The following SMYD1 variants were observed in gnomAD, a reference collection of about 807,000 sequenced individuals.
SMYD1 encodes SET and MYND domain containing 1, also known as histone-lysine N-methyltransferase SMYD1.
SMYD1 carries 49 observed loss-of-function variants against 54.0 expected under a neutral mutation model. The ratio of observed to expected loss-of-function variants is 0.91; its 90% CI spans 0.72 to 1.15. The LOEUF (loss-of-function observed/expected upper bound fraction) is 1.15. Among genes scored for constraint, SMYD1 ranks in the 50% most tolerant of loss-of-function variants. The pLI, the probability that SMYD1 is intolerant of heterozygous loss-of-function variation, is 0.00. For synonymous variants in SMYD1, 269 were observed against 234.2 expected (o/e 1.15, Z -1.36); for missense variants, 653 against 639.6 (o/e 1.02, Z -0.23).
chr2:88,075,638 A>T (rs1361150759), intron 1 of SMYD1, among the ~76,000 whole-genome samples: 1 of 149,822 alleles, frequency 6.7e-6, no homozygotes. Context: ...GCTGGGCCCA[A>T]GCCATCCTCC....
intron 6 of SMYD1, among the ~76,000 whole-genome samples, chr2:88,098,942 C>T (rs1382860796): frequency 6.6e-6 from 1 of 152,120 alleles, no homozygotes; most frequent in Non-Finnish European, 1.5e-5. Flanking sequence ...CGTATGTAAA[C>T]CTATGTAGAA....
At position 88,112,212 on chromosome 2, in the gene SMYD1, C is replaced by T; in HGVS notation, c.*1700C>T. The T allele has an allele frequency of 1.4e-6, 1 of 696,482 alleles. No homozygotes were observed. The highest frequency in any genetic ancestry group is 2.6e-6 in the Non-Finnish European group (1 of 379,838). 43.1% of individuals were successfully genotyped at this position (696,482 alleles called of 1,614,324 possible). ...CTAGTTCAAATTATCACTCTTTTAC[C>T]TTCATATAAAATGTCTCCCCCAAAC... On this transcript the variant is annotated 3_prime_UTR_variant, in exon 10 of 10. Coordinates refer to ENST00000419482, the MANE Select transcript of SMYD1 (RefSeq NM_198274.4).
At chr2:88,107,976 G>T (rs1182066324) in intron 8 of SMYD1, among the ~76,000 whole-genome samples, 1 of 152,222 alleles carries the variant, frequency 6.6e-6, no homozygotes, top group Non-Finnish European at 1.5e-5. Flanking sequence ...ACAATCCCCA[G>T]TGAGATTAAC....
chr2:88,090,958 A>G, intron 3 of SMYD1, 54 bp from the exon 4 acceptor site: 5 of 1,568,314 alleles, frequency 3.2e-6, no homozygotes, highest in Non-Finnish European at 4.3e-6. Flanking sequence ...AACAGCTAGG[A>G]TGTTGTTCTG....
At chr2:88,089,760 CTT>C (rs908674458) in intron 3 of SMYD1, among the ~76,000 whole-genome samples, 3 of 142,920 alleles carry the variant, frequency 2.1e-5, no homozygotes, top group Admixed American at 7.0e-5. Context: ...TTAATTTTTG[CTT>C]TTTTTTTTTT....
intron 1 of SMYD1, among the ~76,000 whole-genome samples, chr2:88,079,815 C>T (rs1352624074): frequency 6.6e-6 from 1 of 152,136 alleles, no homozygotes; most frequent in African/African-American, 2.4e-5. Context: ...AGTGTGACTC[C>T]ATCTCAAAAG....
chr2:88,072,573 G>A (rs1470044316), intron 1 of SMYD1, among the ~76,000 whole-genome samples: 2 of 152,174 alleles, frequency 1.3e-5, no homozygotes, highest in Non-Finnish European at 2.9e-5. Flanking sequence ...TACATAATAT[G>A]CTATATTTAT....
intron 1 of SMYD1, among the ~76,000 whole-genome samples, chr2:88,077,059 C>T: frequency 6.6e-6 from 1 of 151,570 alleles, no homozygotes; most frequent in East Asian, 1.9e-4. Context: ...GAGGAGAGAC[C>T]TTCTGGCAGG....
intron 5 of SMYD1, among the ~76,000 whole-genome samples, chr2:88,093,867 C>T (rs1674517313): frequency 6.6e-6 from 1 of 152,136 alleles, no homozygotes; most frequent in Non-Finnish European, 1.5e-5. Context: ...ATCTTGTCTC[C>T]CTAAACCCTG....
chr2:88,108,684 CCCTTGTGTGTTAGA>C, intron 9 of SMYD1, 145 bp downstream of exon 9: 3 of 725,140 alleles, frequency 4.1e-6, no homozygotes, highest in Non-Finnish European at 6.3e-6. Flanking sequence ...TAGCCCACTA[CCCTTGTGTGTTAGA>C]CTGTTCATGT....
In SMYD1 at chr2:88,080,313, T is replaced by C. The variant is rs897806157; in HGVS notation, c.138-4003T>C. 2.0e-5 allele frequency among the ~76,000 whole-genome samples: 3 copies of C among 149,426 alleles called. No homozygotes were observed. The East Asian group carries it at 5.8e-4, about 29-fold the overall frequency. ...CATTTGTGTTTGAAATTTAAAACAA[T>C]AAAACAGAGAATTGTGAAGTGTAAT... On this transcript the variant is annotated intron_variant, in intron 1 of 9. Coordinates refer to ENST00000419482, the MANE Select transcript of SMYD1 (RefSeq NM_198274.4).
At chr2:88,097,489 G>A (rs970252819) in intron 6 of SMYD1, among the ~76,000 whole-genome samples, 4 of 152,186 alleles carry the variant, frequency 2.6e-5, no homozygotes, top group African/African-American at 4.8e-5. Context: ...AGCTAAAACC[G>A]AAGAAAGCAC....
rs1355528564 is a variant in SMYD1, at chr2:88,111,264, C to G, written c.*752C>G. ...GAATTCTAGAAATATTTCTAGAACACACAGAGAGGGAATAAGTCCCTCTAT... is the reference window on the plus strand; with the variant it reads ...GAATTCTAGAAATATTTCTAGAACAGACAGAGAGGGAATAAGTCCCTCTAT... On this transcript the variant is annotated 3_prime_UTR_variant, in exon 10 of 10. Coordinates refer to ENST00000419482, the MANE Select transcript of SMYD1 (RefSeq NM_198274.4). 6.6e-6 allele frequency: 1 copy of G among 152,232 alleles called. No homozygotes were observed. Among genetic ancestry groups the G allele is most frequent in the Non-Finnish European group, 1.5e-5 (1 of 68,048 alleles). The allele number at this position is 152,232 out of a possible 1,614,324, so 9.4% of individuals were successfully genotyped here.
In SMYD1 at chr2:88,110,572, G is replaced by A. The variant is rs1478508919; in HGVS notation, c.*60G>A. ...GGAGCTAGGGAGAGACTCTGGAGGT[G>A]GTGGGTCTCTCGGGAGACCCCTAAT... On this transcript the variant is annotated 3_prime_UTR_variant, in exon 10 of 10. Transcript: ENST00000419482. The A allele has an allele frequency of 1.1e-5, 16 of 1,484,462 alleles. No individual in the cohort carries two copies. Among genetic ancestry groups the A allele is most frequent in the Middle Eastern group, 3.5e-4 (2 of 5,700 alleles). The allele number at this position is 1,484,462 out of a possible 1,614,324, so 92.0% of individuals were successfully genotyped here.
chr2:88,102,157 A>G (rs575114179), intron 6 of SMYD1, among the ~76,000 whole-genome samples: 2 of 152,006 alleles, frequency 1.3e-5, no homozygotes, highest in East Asian at 3.9e-4. Flanking sequence ...AGTTATTTTC[A>G]TTTTGGAAGA....
At chr2:88,100,943 G>A (rs1674706862) in intron 6 of SMYD1, among the ~76,000 whole-genome samples, 1 of 152,248 alleles carries the variant, frequency 6.6e-6, no homozygotes, top group East Asian at 1.9e-4. Flanking sequence ...GATACAGAAG[G>A]ATATGGAAAC....
intron 1 of SMYD1, among the ~76,000 whole-genome samples, chr2:88,074,367 A>G (rs527557926): frequency 3.4e-4 from 52 of 152,326 alleles, no homozygotes; most frequent in African/African-American, 1.2e-3. Flanking sequence ...CCAGCAGTGT[A>G]ACATCTTGTT....
intron 1 of SMYD1, among the ~76,000 whole-genome samples, chr2:88,068,764 A>G (rs1673887646): frequency 6.6e-6 from 1 of 152,184 alleles, no homozygotes; most frequent in Admixed American, 6.5e-5. Context: ...TATTTCCTTT[A>G]TAGAGCTATC....
intron 5 of SMYD1, 67 bp from the exon 6 acceptor site, chr2:88,096,528 T>C: frequency 7.1e-7 from 1 of 1,410,482 alleles, no homozygotes; most frequent in South Asian, 1.3e-5. Flanking sequence ...CATGAAGCCT[T>C]GGAGAGCACG....
Sources: allele counts gnomAD v4.1 joint callset (sites outside exome capture counted in the v4.1 genomes callset), GRCh38; gene constraint gnomAD v4.1.1; transcripts MANE v1.5; gene names NCBI Gene and HGNC (gene_info 2026-07-23, HGNC 2026-07-21).